The following ASAP1 variants were observed in gnomAD, a reference collection of about 807,000 sequenced individuals.
The protein encoded by ASAP1 is arf-GAP with SH3 domain, ANK repeat and PH domain-containing protein 1.
In ASAP1, 43 loss-of-function variants were observed where a neutral mutation model predicts 145.2. The observed-to-expected ratio is 0.30, with a 90% confidence interval of 0.23 to 0.38. The LOEUF (loss-of-function observed/expected upper bound fraction) is 0.38. Among genes scored for constraint, ASAP1 ranks in the 10% least tolerant of loss-of-function variants. The pLI, the probability that ASAP1 is intolerant of heterozygous loss-of-function variation, is 1.00. For synonymous variants in ASAP1, 546 were observed against 515.5 expected, an observed-to-expected ratio of 1.06 and a Z score of -0.80; for missense variants, 1,018 against 1,355.3, an observed-to-expected ratio of 0.75 and a Z score of 3.91.
At chr8:130,111,774 T>G (rs1371669417) in intron 24 of ASAP1, among the ~76,000 whole-genome samples, 1 of 152,218 alleles carries the variant, frequency 6.6e-6, no homozygotes, top group Admixed American at 6.5e-5. Context: ...TTACCAGTGG[T>G]GTGACCTTGG....
intron 3 of ASAP1, among the ~76,000 whole-genome samples, chr8:130,268,534 C>CACA (rs1210803966): frequency 6.9e-6 from 1 of 145,570 alleles, no homozygotes; most frequent in Admixed American, 6.8e-5. Flanking sequence ...CACACACACA[C>CACA]AACTGTGTAA....
chr8:130,251,225 C>G (rs1463107169), intron 3 of ASAP1, among the ~76,000 whole-genome samples: 1 of 152,076 alleles, frequency 6.6e-6, no homozygotes, highest in Non-Finnish European at 1.5e-5. Flanking sequence ...CAAGACCAGC[C>G]TGGCCAACAT....
At chr8:130,067,343 TCAGGGTGGGACCATTCCC>T (rs2097432856) in intron 27 of ASAP1, among the ~76,000 whole-genome samples, 1 of 152,186 alleles carries the variant, frequency 6.6e-6, no homozygotes, top group Non-Finnish European at 1.5e-5. Context: ...TTTCCTTGTC[TCAGGGTGGGACCATTCCC>T]TAAAGGAACT....
At chr8:130,235,169 C>G (rs1048447411) in intron 4 of ASAP1, among the ~76,000 whole-genome samples, 4 of 152,132 alleles carry the variant, frequency 2.6e-5, no homozygotes, top group Admixed American at 6.6e-5. Flanking sequence ...TTGAGTTTCT[C>G]TCTTTTTCAA....
chr8:130,237,429 G>A (rs2136676141), intron 3 of ASAP1, among the ~76,000 whole-genome samples: 1 of 152,084 alleles, frequency 6.6e-6, no homozygotes, highest in Admixed American at 6.6e-5. Flanking sequence ...ACATTTCAAG[G>A]GGTATAATGA....
At chr8:130,439,629 G>A (rs1830426547) in intron 1 of ASAP1, among the ~76,000 whole-genome samples, 1 of 152,178 alleles carries the variant, frequency 6.6e-6, no homozygotes, top group African/African-American at 2.4e-5. Context: ...GTAAACACAG[G>A]GACTTAAGAG....
chr8:130,391,703 T>C (rs371116332), intron 2 of ASAP1, among the ~76,000 whole-genome samples: 20 of 152,342 alleles, frequency 1.3e-4, no homozygotes, highest in African/African-American at 4.8e-4. Flanking sequence ...ACTCAGAGTA[T>C]GTCAGTGGCA....
chr8:130,275,689 G>A (rs1375271324), intron 3 of ASAP1, among the ~76,000 whole-genome samples: 1 of 151,110 alleles, frequency 6.6e-6, no homozygotes, highest in African/African-American at 2.4e-5. Context: ...TAAGCATTTT[G>A]ATGCTTTTAA....
chr8:130,211,205 G>T (rs1364922699), intron 5 of ASAP1, among the ~76,000 whole-genome samples: 1 of 152,148 alleles, frequency 6.6e-6, no homozygotes, highest in Non-Finnish European at 1.5e-5. Context: ...AGTAAGAAAA[G>T]CAAGTTACTT....
chr8:130,091,038 G>A (rs1210240106), intron 25 of ASAP1, among the ~76,000 whole-genome samples: 3 of 152,340 alleles, frequency 2.0e-5, no homozygotes, highest in South Asian at 2.1e-4. Context: ...TCGCTAGCAG[G>A]CTAGTAGTAA....
intron 2 of ASAP1, among the ~76,000 whole-genome samples, chr8:130,362,463 AT>A (rs1826764727): frequency 6.6e-6 from 1 of 152,254 alleles, no homozygotes; most frequent in African/African-American, 2.4e-5. Context: ...TATGTTTCAG[AT>A]TATTGTGTGA....
At chr8:130,291,016 C>T (rs778175298) in intron 3 of ASAP1, among the ~76,000 whole-genome samples, 5 of 152,186 alleles carry the variant, frequency 3.3e-5, no homozygotes, top group African/African-American at 7.2e-5. Context: ...ACAGAAAAGA[C>T]GAGTTGCCAA....
chr8:130,124,987 G>A (rs1054768437), intron 17 of ASAP1, among the ~76,000 whole-genome samples: 9 of 152,146 alleles, frequency 5.9e-5, no homozygotes, highest in African/African-American at 2.2e-4. Context: ...GTCTTGTATT[G>A]TGCATAGAAC....
intron 3 of ASAP1, among the ~76,000 whole-genome samples, chr8:130,276,973 C>T (rs763251484): frequency 4.6e-4 from 70 of 152,240 alleles, no homozygotes; most frequent in Non-Finnish European, 7.6e-4. Context: ...GAGGTCAGTC[C>T]CTGGGGTCCC....
At chr8:130,341,670 A>G (rs1303437158) in intron 3 of ASAP1, among the ~76,000 whole-genome samples, 2 of 152,198 alleles carry the variant, frequency 1.3e-5, no homozygotes, top group African/African-American at 4.8e-5. Flanking sequence ...GGCTGGTGCA[A>G]AGATTAAATA....
At chr8:130,319,412 A>G (rs1295613288) in intron 3 of ASAP1, among the ~76,000 whole-genome samples, 2 of 152,232 alleles carry the variant, frequency 1.3e-5, no homozygotes, top group Non-Finnish European at 2.9e-5. Flanking sequence ...ATGGGGAGAA[A>G]GCAGCCAGTT....
intron 15 of ASAP1, among the ~76,000 whole-genome samples, chr8:130,132,154 G>A (rs1488736081): frequency 1.3e-5 from 2 of 152,346 alleles, no homozygotes; most frequent in East Asian, 3.9e-4. Flanking sequence ...TACTAGGACT[G>A]TTACCATGGG....
chr8:130,393,593 T>A (rs986150860), intron 2 of ASAP1, among the ~76,000 whole-genome samples: 2 of 152,046 alleles, frequency 1.3e-5, no homozygotes. Context: ...CCATCTCCAC[T>A]AAAAATACAA....
chr8:130,356,970 C>T (rs182280342), intron 3 of ASAP1, among the ~76,000 whole-genome samples: 1 of 152,330 alleles, frequency 6.6e-6, no homozygotes, highest in East Asian at 1.9e-4. Flanking sequence ...TCCCTTCCTA[C>T]TTTCCACCCA....
Sources: allele counts gnomAD v4.1 joint callset (sites outside exome capture counted in the v4.1 genomes callset), GRCh38; gene constraint gnomAD v4.1.1; transcripts MANE v1.5; gene names NCBI Gene and HGNC (gene_info 2026-07-23, HGNC 2026-07-21).